The following DLG5 variants were observed in gnomAD, a reference collection of about 807,000 sequenced individuals.
DLG5 encodes discs large MAGUK scaffold protein 5.
DLG5 carries 48 observed loss-of-function variants against 189.8 expected under a neutral mutation model. The observed-to-expected ratio is 0.25, with a 90% CI of 0.20 to 0.32. The LOEUF is 0.32. DLG5 is among the 10% of genes least tolerant of loss of function. DLG5 has a pLI of 1.00. For missense variants in DLG5, 2,160 were observed against 2,544.7 expected (o/e 0.85, Z 3.25); for synonymous variants, 1,016 against 1,054.1 (o/e 0.96, Z 0.70).
At chr10:77,810,694 C>G (rs1037493149) in intron 23 of DLG5, among the ~76,000 whole-genome samples, 1 of 152,238 alleles carries the variant, frequency 6.6e-6, no homozygotes, top group African/African-American at 2.4e-5. Context: ...CAGTGCCCTC[C>G]CAGCACCCTG....
At chr10:77,851,028 G>C (rs1843945501) in intron 5 of DLG5, among the ~76,000 whole-genome samples, 1 of 152,252 alleles carries the variant, frequency 6.6e-6, no homozygotes, top group Admixed American at 6.5e-5. Context: ...AGAAAACAAA[G>C]CACACAGCAG....
At chr10:77,933,770 A>G in the DLG5 span, among the ~76,000 whole-genome samples, 1 of 152,096 alleles carries the variant, frequency 6.6e-6, no homozygotes, top group Admixed American at 6.6e-5. Flanking sequence ...GATAAACAGA[A>G]TAGCTCCCCT....
intron 17 of DLG5, among the ~76,000 whole-genome samples, chr10:77,818,300 T>C (rs1842166816): frequency 6.6e-6 from 1 of 152,098 alleles, no homozygotes; most frequent in African/African-American, 2.4e-5. Context: ...CGGGACAGCG[T>C]GCCTAAGAAA....
chr10:77,812,031 G>A lies in DLG5; in HGVS notation c.4215C>T (p.Ala1405=), dbSNP rs1841799481. The A allele has an allele frequency of 1.9e-6, 3 of 1,610,820 alleles. No individual in the cohort carries two copies. The highest frequency in any genetic ancestry group is 2.5e-6 in the Non-Finnish European group (3 of 1,180,018). Residue 1405 remains alanine, a synonymous_variant, in exon 22 of 32, where the codon GCC becomes GCT. Coordinates refer to ENST00000372391, the MANE Select transcript of DLG5 (RefSeq NM_004747.4). Reference sequence around the variant, plus strand: ...TGATGAGCCGCGCCTGCTGCTCCGTGGCGCTCCGCAGGTTTATGCCGTTGA... The same window carrying A: ...TGATGAGCCGCGCCTGCTGCTCCGTAGCGCTCCGCAGGTTTATGCCGTTGA... The part of the protein sequence containing the change: ...LEFNGINLRS[A]TEQQARLIIG...
intron 1 of DLG5, among the ~76,000 whole-genome samples, chr10:77,924,485 G>A (rs1846627974): frequency 6.6e-6 from 1 of 152,148 alleles, no homozygotes. Flanking sequence ...GCTTCCCAAC[G>A]CAGACTTCCA....
In DLG5 at chr10:77,821,777, G is replaced by A. The variant is rs569194519; in HGVS notation, c.2707C>T (p.Arg903Cys). 4 of 1,610,232 alleles carry A rather than the reference G, an allele frequency of 2.5e-6. No individual in the cohort carries two copies. Among genetic ancestry groups the A allele is most frequent in the South Asian group, 2.2e-5 (2 of 90,778 alleles). The change falls in exon 15 of 32, where the codon CGT (arginine) becomes TGT (cysteine). Residue 903 changes from arginine (R) to cysteine (C), a missense_variant. Arg to Cys is a radical substitution (Grantham distance 180). Transcript: ENST00000372391. ...SSFRSDASGDRGFGLVDVRGR... is the reference protein window; with the variant it reads ...SSFRSDASGDCGFGLVDVRGR... ...CGCACGTCCACCAGCCCAAAGCCAC[G>A]GTCCCCAGAGGCATCTGAGCGGAAG...
chr10:77,816,926 TCAGCTAAGCCCAGAGACTC>T, intron 19 of DLG5, 62 bp downstream of exon 19: 1 of 1,512,136 alleles, frequency 6.6e-7, no homozygotes, highest in Non-Finnish European at 9.2e-7. Flanking sequence ...TATGAAGTTC[TCAGCTAAGCCCAGAGACTC>T]CACCATGAGG....
At chr10:77,939,260 C>G in the DLG5 span, among the ~76,000 whole-genome samples, 1 of 152,126 alleles carries the variant, frequency 6.6e-6, no homozygotes, top group African/African-American at 2.4e-5. Flanking sequence ...GGGGAATAAG[C>G]CAGAAATCAA....
chr10:77,843,089 G>A (rs542491728), intron 6 of DLG5, among the ~76,000 whole-genome samples: 1 of 152,262 alleles, frequency 6.6e-6, no homozygotes, highest in Admixed American at 6.5e-5. Flanking sequence ...GCCACAGAGG[G>A]GAGAGGCACA....
intron 5 of DLG5, among the ~76,000 whole-genome samples, chr10:77,845,934 TA>T (rs1209911526): frequency 0.054 from 5,292 of 97,430 alleles, 114 homozygotes; most frequent in Non-Finnish European, 0.074. Flanking sequence ...AATCTTTCTT[TA>T]AAAAAAAAAA....
At chr10:77,842,261 C>A in intron 6 of DLG5, 68 bp from the exon 7 acceptor site, 2 of 1,539,002 alleles carry the variant, frequency 1.3e-6, no homozygotes, top group Non-Finnish European at 1.8e-6. Flanking sequence ...GGCTGCGCTG[C>A]TGCCTCCCGC....
At chr10:77,854,435 G>A (rs1241819035) in intron 3 of DLG5, 65 bp from the exon 4 acceptor site, 10 of 1,591,292 alleles carry the variant, frequency 6.3e-6, no homozygotes, top group Non-Finnish European at 8.5e-6. Context: ...AGAGGAACCA[G>A]GTCCTGGATT....
intron 1 of DLG5, among the ~76,000 whole-genome samples, chr10:77,882,715 C>G (rs977815962): frequency 1.3e-5 from 2 of 150,918 alleles, no homozygotes; most frequent in Admixed American, 6.6e-5. Context: ...AGTTGGAGAC[C>G]AGCCTGGCCA....
In DLG5 at chr10:77,854,321, C is replaced by T. The variant is rs190565839; in HGVS notation, c.586G>A (p.Val196Met). 430 of 1,614,158 alleles carry T rather than the reference C, an allele frequency of 2.7e-4. 7 individuals are homozygous for T. The East Asian group carries it at 8.8e-3, about 33-fold the overall frequency. ...CTCTGCAGGTCCGACATGGCTCGCA[C>T]GCACTGGATCTTCAGCCTCTCATAG... Reference protein sequence around the residue: ...PDYERLKIQCVRAMSDLQSLQ... With the variant: ...PDYERLKIQCMRAMSDLQSLQ... The change falls in exon 4 of 32, where the codon GTG becomes ATG. Residue 196 changes from valine to methionine, a missense_variant. Around this residue, in one of 5 missense-constraint regions of DLG5, gnomAD observed 664 missense variants for 838.5 expected, o/e 0.79. Transcript: ENST00000372391.
chr10:77,802,879 G>A (rs143595136), intron 27 of DLG5, among the ~76,000 whole-genome samples: 3,256 of 152,274 alleles, frequency 0.021, 59 homozygotes, highest in Non-Finnish European at 0.035. Flanking sequence ...CGGCCTGGGC[G>A]ACAGAGCGAG....
intron 5 of DLG5, among the ~76,000 whole-genome samples, chr10:77,847,415 C>A (rs1843749477): frequency 6.6e-6 from 1 of 152,138 alleles, no homozygotes; most frequent in African/African-American, 2.4e-5. Context: ...CCTGTTCCCA[C>A]AGGGCAGCAT....
intron 16 of DLG5, 170 bp from the exon 17 acceptor site, chr10:77,819,635 T>A: frequency 9.3e-7 from 1 of 1,079,066 alleles, no homozygotes; most frequent in Non-Finnish European, 1.3e-6. Context: ...CTGGCCTGTC[T>A]CCATTTGTAA....
intron 1 of DLG5, among the ~76,000 whole-genome samples, chr10:77,891,989 G>A (rs1228111122): frequency 6.6e-6 from 1 of 152,206 alleles, no homozygotes; most frequent in Admixed American, 6.5e-5. Context: ...TTGGCTCAGA[G>A]ACACAGGCCC....
At chr10:77,861,479 G>A (rs918236406) in intron 2 of DLG5, among the ~76,000 whole-genome samples, 1 of 152,190 alleles carries the variant, frequency 6.6e-6, no homozygotes, top group Non-Finnish European at 1.5e-5. Context: ...GGAGGCGGCA[G>A]GACAGAAGGA....
Sources: allele counts gnomAD v4.1 joint callset (sites outside exome capture counted in the v4.1 genomes callset), GRCh38; gene constraint gnomAD v4.1.1; regional missense constraint gnomAD v4.1.1; transcripts MANE v1.5; gene names NCBI Gene and HGNC (gene_info 2026-07-23, HGNC 2026-07-21).